TENM3: variants seen among roughly 807,000 people sequenced by gnomAD.
The protein encoded by TENM3 is teneurin transmembrane protein 3, also known as teneurin-3.
In TENM3, 63 loss-of-function variants were observed where a neutral mutation model predicts 255.1. The ratio of observed to expected loss-of-function variants is 0.25; its 90% confidence interval spans 0.20 to 0.30. TENM3 has a LOEUF of 0.30. TENM3 is among the 10% of genes least tolerant of loss of function. TENM3 has a pLI of 1.00. For synonymous variants in TENM3, 1,306 were observed against 1,322.3 expected, an observed-to-expected ratio of 0.99 and a Z score of 0.27; for missense variants, 2,929 against 3,461.1, an observed-to-expected ratio of 0.85 and a Z score of 3.86.
the TENM3 span, among the ~76,000 whole-genome samples, chr4:181,881,642 C>T: frequency 6.6e-6 from 1 of 152,042 alleles, no homozygotes; most frequent in Non-Finnish European, 1.5e-5. Flanking sequence ...ATTAGTAGCA[C>T]ATATTAAAAC....
intron 1 of TENM3, among the ~76,000 whole-genome samples, chr4:182,163,072 A>G (rs796816305): frequency 7.2e-5 from 11 of 152,272 alleles, no homozygotes; most frequent in African/African-American, 2.6e-4. Context: ...AGACGGCTCC[A>G]TCCCTCACTA....
chr4:181,479,516 C>T, the TENM3 span, among the ~76,000 whole-genome samples: 9 of 152,050 alleles, frequency 5.9e-5, no homozygotes, highest in African/African-American at 2.2e-4. Flanking sequence ...CCTATCTGTC[C>T]AGCCCTCCTG....
At chr4:182,407,286 C>T (rs1365239994) in intron 3 of TENM3, among the ~76,000 whole-genome samples, 2 of 152,200 alleles carry the variant, frequency 1.3e-5, no homozygotes, top group African/African-American at 4.8e-5. Context: ...TAGGTTGCAT[C>T]TTACCCTTTT....
chr4:182,376,913 T>C (rs1767213849), intron 3 of TENM3, among the ~76,000 whole-genome samples: 1 of 152,180 alleles, frequency 6.6e-6, no homozygotes, highest in Non-Finnish European at 1.5e-5. Flanking sequence ...GGCAGATTGA[T>C]TGAAAAATAC....
At chr4:182,491,389 A>ATGTGTGTGTGTGTG (rs147076817) in intron 3 of TENM3, among the ~76,000 whole-genome samples, 97 of 150,912 alleles carry the variant, frequency 6.4e-4, no homozygotes, top group Middle Eastern at 3.5e-3. Flanking sequence ...AGTGAAATTT[A>ATGTGTGTGTGTGTG]TGTGTGTGTG....
the TENM3 span, among the ~76,000 whole-genome samples, chr4:182,056,138 C>T: frequency 1.3e-5 from 2 of 152,012 alleles, no homozygotes; most frequent in Admixed American, 6.5e-5. Flanking sequence ...CACTGAGTTA[C>T]GTGAAATTCT....
At chr4:181,692,383 AT>A in the TENM3 span, among the ~76,000 whole-genome samples, 1 of 152,206 alleles carries the variant, frequency 6.6e-6, no homozygotes, top group Non-Finnish European at 1.5e-5. Flanking sequence ...AATGCAGAGC[AT>A]TACGTGTGTC....
intron 1 of TENM3, among the ~76,000 whole-genome samples, chr4:182,194,139 C>A (rs551117308): frequency 8.5e-5 from 13 of 152,246 alleles, no homozygotes; most frequent in Non-Finnish European, 1.6e-4. Context: ...TCTACTTTTG[C>A]CCTGGTGTAC....
At chr4:181,641,804 C>CTATATA in the TENM3 span, among the ~76,000 whole-genome samples, 4 of 37,406 alleles carry the variant, frequency 1.1e-4, no homozygotes, top group African/African-American at 2.4e-4. Flanking sequence ...TACACACACA[C>CTATATA]CATATATATA....
rs555794927 is a variant in TENM3 at position 182,186,549 on chromosome 4, T to G, written c.-76+41795T>G. Among the ~76,000 whole-genome samples, 43 of 151,184 alleles carry G rather than the reference T, an allele frequency of 2.8e-4. No individual in the cohort carries two copies. In the South Asian group the frequency reaches 8.8e-3, roughly 31 times the overall value. ...ACTTTGCTGGAACTTCTTACATTTA[T>G]TACATGTTATTTACCGGAAAGTAAT... On this transcript the variant is annotated intron_variant, in intron 1 of 2. Coordinates refer to the TENM3 transcript ENST00000512480.
chr4:182,007,576 G>A, the TENM3 span, among the ~76,000 whole-genome samples: 7 of 152,040 alleles, frequency 4.6e-5, no homozygotes, highest in South Asian at 1.0e-3. Context: ...CATTTGCTTG[G>A]TAAATTTTCC....
At chr4:182,760,808 TC>T (rs1189165594) in intron 22 of TENM3, among the ~76,000 whole-genome samples, 2 of 152,132 alleles carry the variant, frequency 1.3e-5, no homozygotes, top group African/African-American at 2.4e-5. Flanking sequence ...AACCCACGAC[TC>T]CCACTGACAT....
At chr4:181,624,273 C>T in the TENM3 span, among the ~76,000 whole-genome samples, 2 of 152,190 alleles carry the variant, frequency 1.3e-5, no homozygotes, top group African/African-American at 2.4e-5. Flanking sequence ...TCCCCAGCAT[C>T]GCCACTCGCT....
chr4:182,438,396 C>G (rs1772206136), intron 3 of TENM3, among the ~76,000 whole-genome samples: 1 of 152,158 alleles, frequency 6.6e-6, no homozygotes, highest in African/African-American at 2.4e-5. Context: ...GGTTATGAAA[C>G]TACATGTTTT....
the TENM3 span, among the ~76,000 whole-genome samples, chr4:181,536,860 G>A: frequency 5.1e-3 from 775 of 152,224 alleles, 7 homozygotes; most frequent in African/African-American, 0.018. Flanking sequence ...TGAAAGTGTA[G>A]TATTAATTTG....
intron 27 of TENM3, 47 bp downstream of exon 27, chr4:182,796,814 T>A (rs185940080): frequency 6.0e-6 from 9 of 1,501,240 alleles, no homozygotes; most frequent in African/African-American, 2.8e-5. Flanking sequence ...AGCTTGTGTC[T>A]TATCTACCCA....
chr4:182,013,436 C>G, the TENM3 span, among the ~76,000 whole-genome samples: 1 of 152,194 alleles, frequency 6.6e-6, no homozygotes, highest in African/African-American at 2.4e-5. Context: ...AGAAGAGCTT[C>G]CAGTGACAGA....
At chr4:181,842,579 G>A in the TENM3 span, among the ~76,000 whole-genome samples, 1 of 152,172 alleles carries the variant, frequency 6.6e-6, no homozygotes, top group Non-Finnish European at 1.5e-5. Flanking sequence ...CTCAGTAGCA[G>A]CAAATCATAT....
At chr4:182,303,634 G>C (rs944803640) in intron 1 of TENM3, among the ~76,000 whole-genome samples, 2 of 147,132 alleles carry the variant, frequency 1.4e-5, no homozygotes, top group Admixed American at 6.7e-5. Flanking sequence ...TGACCTTGGT[G>C]GGGGGGGTGA....
Sources: gnomAD v4.1 joint callset for allele counts (sites outside exome capture counted in the v4.1 genomes callset) on GRCh38, gnomAD v4.1.1 for gene constraint, MANE v1.5 for transcripts, NCBI Gene and HGNC (gene_info 2026-07-23, HGNC 2026-07-21) for gene names.